The following CLEC2D variants were observed in gnomAD, a reference collection of about 807,000 sequenced individuals.
CLEC2D encodes C-type lectin related f.
A neutral mutation model predicts 20.0 loss-of-function variants in CLEC2D; 16 were observed. That is an observed-to-expected ratio of 0.80 (90% CI 0.54 to 1.22). The LOEUF is 1.22. CLEC2D is among the 50% of genes most tolerant of loss of function. CLEC2D has a pLI of 0.00. For missense variants in CLEC2D, 207 were observed against 221.5 expected (o/e 0.93, Z 0.42); for synonymous variants, 77 against 71.1 (o/e 1.08, Z -0.42).
intron 2 of CLEC2D, among the ~76,000 whole-genome samples, chr12:9,681,854 A>G (rs1865641825): frequency 6.6e-6 from 1 of 152,202 alleles, no homozygotes; most frequent in African/African-American, 2.4e-5. Flanking sequence ...TTTTGAAACC[A>G]CAGATAATAT....
chr12:9,680,946 T>G lies in CLEC2D; in HGVS notation c.85T>G (p.Ser29Ala). 1.3e-6 allele frequency: 2 copies of G among 1,589,992 alleles called. No individual in the cohort carries two copies. The highest frequency in any genetic ancestry group is 1.1e-5 in the South Asian group (1 of 90,386). The part of the protein sequence containing the change: ...NPGCLHSKEH[S>A]IKATLIWRLF... ...AGGTTGTCTGCATTCAAAAGAGCAT[T>G]CTATTAAAGCTACCTTAATTTGGCG... The change falls in exon 2 of 5, where the codon TCT becomes GCT. Residue 29 changes from serine (S) to alanine (A), a missense_variant. Coordinates refer to ENST00000290855, the MANE Select transcript of CLEC2D (RefSeq NM_013269.6).
intron 3 of CLEC2D, among the ~76,000 whole-genome samples, chr12:9,688,721 AATAAT>A (rs1321095698): frequency 3.9e-5 from 5 of 128,434 alleles, no homozygotes; most frequent in Non-Finnish European, 7.3e-5. Context: ...ATCTCAAAAA[AATAAT>A]AAAATAAAAA....
At position 9,692,915 on chromosome 12, in the gene CLEC2D, A is replaced by G; in HGVS notation, c.445A>G (p.Thr149Ala). The G allele has an allele frequency of 6.2e-7, 1 of 1,613,302 alleles. No homozygotes were observed. The highest frequency in any genetic ancestry group is 8.5e-7 in the Non-Finnish European group (1 of 1,179,368). ...QGQPWKWING[T>A]EWTRQFPILG... is the part of the protein sequence containing the mutation. ...CCAACCATGGAAATGGATAAATGGT[A>G]CTGAATGGACAAGACAGTAAGTTCT... Residue 149 changes from threonine (T) to alanine (A), a missense_variant, in exon 4 of 5, where the codon ACT (threonine) becomes GCT (alanine). Coordinates refer to ENST00000290855, the MANE Select transcript of CLEC2D (RefSeq NM_013269.6).
rs1218094605 is a variant in CLEC2D at position 9,698,529 on chromosome 12, T to C, written c.*3655T>C. On this transcript the variant is annotated 3_prime_UTR_variant, in exon 5 of 5. Transcript: ENST00000290855. ...TATATAAAAACCAACTGAAAATCGA[T>C]TAAAGACTTAAACTGTAAAACTACT... The C allele has an allele frequency of 4.6e-5, 7 of 152,084 alleles. No individual in the cohort carries two copies. The highest frequency in any genetic ancestry group is 4.6e-4 in the Admixed American group (7 of 15,254). 9.4% of individuals were successfully genotyped at this position (152,084 alleles called of 1,614,324 possible). A position where few individuals can be genotyped will look rare whatever the true frequency, so the allele number is the denominator to read the frequency against.
chr12:9,692,404 T>A (rs1403368936), intron 3 of CLEC2D, among the ~76,000 whole-genome samples: 3 of 152,090 alleles, frequency 2.0e-5, no homozygotes, highest in African/African-American at 7.2e-5. Context: ...CCTCCCAAAG[T>A]ACTGGGATTA....
At chr12:9,686,193 G>C (rs1308699314) in intron 2 of CLEC2D, among the ~76,000 whole-genome samples, 3 of 151,660 alleles carry the variant, frequency 2.0e-5, no homozygotes, top group African/African-American at 7.3e-5. Context: ...TGTGTAACCA[G>C]TCCCAGTGAG....
chr12:9,681,387 A>G (rs1221660483), intron 2 of CLEC2D, among the ~76,000 whole-genome samples: 1 of 152,208 alleles, frequency 6.6e-6, no homozygotes, highest in Admixed American at 6.5e-5. Context: ...CATGAAAAAT[A>G]GCAAAACAGA....
At chr12:9,693,454 A>G in intron 4 of CLEC2D, 1 of 194,434 alleles carries the variant, frequency 5.1e-6, no homozygotes, top group Non-Finnish European at 1.1e-5. Flanking sequence ...ATAATGCTGG[A>G]AAAATTGGAT....
chr12:9,670,190 A>T (rs966243378), intron 1 of CLEC2D, among the ~76,000 whole-genome samples: 4 of 152,238 alleles, frequency 2.6e-5, no homozygotes, highest in Non-Finnish European at 5.9e-5. Context: ...TAGTATGTAA[A>T]GGACATTTAC....
chr12:9,696,371 C>T lies in CLEC2D; in HGVS notation c.*1497C>T, dbSNP rs1186550712. 12 of 506,770 alleles carry T rather than the reference C, an allele frequency of 2.4e-5. No homozygotes were observed. The highest frequency in any genetic ancestry group is 4.0e-5 in the Non-Finnish European group (11 of 278,462). 31.4% of individuals were successfully genotyped at this position (506,770 alleles called of 1,614,324 possible). ...ATAAATGTTGTCCAGGTTCTATTGC[C>T]AAGAATGTGTTGTCCAAAATGCCTG... On this transcript the variant is annotated 3_prime_UTR_variant, in exon 5 of 5. Transcript: ENST00000290855.
rs982812677 is a variant in CLEC2D at position 9,696,996 on chromosome 12, TTGTC to T, written c.*2123_*2126del. The T allele has an allele frequency of 8.7e-5, 13 of 149,658 alleles. No homozygotes were observed. The highest frequency in any genetic ancestry group is 3.2e-4 in the African/African-American group (13 of 40,426). The allele number at this position is 149,658 out of a possible 1,614,324, so 9.3% of individuals were successfully genotyped here. ...ATTAACAGATGAATGGATAAAGAAA[TTGTC>T]ATATATATAAAACACACACATTATA... On this transcript the variant is annotated 3_prime_UTR_variant, in exon 5 of 5. Transcript: ENST00000290855.
At chr12:9,669,875 G>A (rs1001890521) in intron 1 of CLEC2D, 80 bp downstream of exon 1, 25 of 1,136,052 alleles carry the variant, frequency 2.2e-5, no homozygotes, top group South Asian at 2.1e-4. Context: ...CACAGGAAAG[G>A]TGCTGATCTA....
At position 9,695,052 on chromosome 12, in the gene CLEC2D, T is replaced by C; in HGVS notation, c.*178T>C. 1 of 589,496 alleles carries C rather than the reference T, an allele frequency of 1.7e-6. No individual in the cohort carries two copies. Among genetic ancestry groups the C allele is most frequent in the East Asian group, 2.8e-5 (1 of 35,440 alleles). The allele number at this position is 589,496 out of a possible 1,614,324, so 36.5% of individuals were successfully genotyped here. A position where few individuals can be genotyped will look rare whatever the true frequency, so the allele number is the denominator to read the frequency against. On this transcript the variant is annotated 3_prime_UTR_variant, in exon 5 of 5. Transcript: ENST00000290855. ...AGTAAAATATTACCTGTTTTCATGGTGCTAATATTACCTGTTCTCCCACTG... is the reference window on the plus strand; with the variant it reads ...AGTAAAATATTACCTGTTTTCATGGCGCTAATATTACCTGTTCTCCCACTG...
At chr12:9,675,724 C>T (rs2055628255) in intron 1 of CLEC2D, among the ~76,000 whole-genome samples, 1 of 152,092 alleles carries the variant, frequency 6.6e-6, no homozygotes, top group Non-Finnish European at 1.5e-5. Context: ...GTAGATTAAG[C>T]TGGGAAGAAT....
intron 3 of CLEC2D, among the ~76,000 whole-genome samples, chr12:9,690,681 T>C (rs1865843402): frequency 6.6e-6 from 1 of 152,028 alleles, no homozygotes; most frequent in South Asian, 2.1e-4. Context: ...TATGTTGATA[T>C]TATGAAATTA....
chr12:9,692,695 A>G (rs917083031), intron 3 of CLEC2D, 133 bp from the exon 4 acceptor site: 6 of 599,872 alleles, frequency 1.0e-5, no homozygotes, highest in East Asian at 2.8e-5. Flanking sequence ...CCTATTCTGT[A>G]TGTATTACTA....
rs771397316 is a variant in CLEC2D, at chr12:9,687,869, TTTTTA to T, written c.173-24_173-20del. 33 of 1,353,804 alleles carry T rather than the reference TTTTTA, an allele frequency of 2.4e-5. 1 individual carries two copies. The Middle Eastern group carries it at 5.8e-3, about 236-fold the overall frequency. The allele number at this position is 1,353,804 out of a possible 1,614,324, so 83.9% of individuals were successfully genotyped here. A position where few individuals can be genotyped will look rare whatever the true frequency, so the allele number is the denominator to read the frequency against. Reference sequence around the variant, plus strand: ...TACAATACAATATAAAAGTAAGAAATTTTTATTTTATTTATTTTTATTTTATTTTC... The same window carrying T: ...TACAATACAATATAAAAGTAAGAAATTTTTATTTATTTTTATTTTATTTTC... On this transcript the variant is annotated intron_variant, in intron 2 of 4. Coordinates refer to ENST00000290855, the MANE Select transcript of CLEC2D (RefSeq NM_013269.6).
At chr12:9,676,438 G>GT (rs1395129204) in intron 1 of CLEC2D, among the ~76,000 whole-genome samples, 5 of 152,098 alleles carry the variant, frequency 3.3e-5, no homozygotes, top group Non-Finnish European at 5.9e-5. Context: ...ATATAATCAA[G>GT]TGATTTTTTT....
In CLEC2D at chr12:9,698,098, ATTTT is replaced by A. The variant is rs932526454; in HGVS notation, c.*3227_*3230del. On this transcript the variant is annotated 3_prime_UTR_variant, in exon 5 of 5. Coordinates refer to ENST00000290855, the MANE Select transcript of CLEC2D (RefSeq NM_013269.6). ...ATTTGCATTTTTAAAGGATATTTTT[ATTTT>A]TTAAATTTTTAGCTGACAACTGTAT... 1 of 152,152 alleles carries A rather than the reference ATTTT, an allele frequency of 6.6e-6. No individual in the cohort carries two copies. The highest frequency in any genetic ancestry group is 1.5e-5 in the Non-Finnish European group (1 of 68,024). 9.4% of individuals were successfully genotyped at this position (152,152 alleles called of 1,614,324 possible). A position where few individuals can be genotyped will look rare whatever the true frequency, so the allele number is the denominator to read the frequency against.
Sources: gnomAD v4.1 joint callset for allele counts (sites outside exome capture counted in the v4.1 genomes callset) on GRCh38, gnomAD v4.1.1 for gene constraint, MANE v1.5 for transcripts, NCBI Gene and HGNC (gene_info 2026-07-23, HGNC 2026-07-21) for gene names.